Variants in NELL1 observed in about 807,000 individuals in gnomAD.
NELL1 encodes protein kinase C-binding protein NELL1.
Under a neutral mutation model 107.4 loss-of-function variants are expected in NELL1, and 76 were observed. That is an observed-to-expected ratio of 0.71 (90% CI 0.59 to 0.86). NELL1 has a LOEUF of 0.86. Ranked by LOEUF, NELL1 falls within the 40% of genes least tolerant of loss-of-function variation. NELL1 has a pLI of 0.00. For synonymous variants in NELL1, 353 were observed against 341.2 expected, an observed-to-expected ratio of 1.03 and a Z score of -0.38; for missense variants, 1,024 against 1,005.5, an observed-to-expected ratio of 1.02 and a Z score of -0.25.
At chr11:21,405,639 G>T (rs750399546) in intron 15 of NELL1, among the ~76,000 whole-genome samples, 2 of 151,912 alleles carry the variant, frequency 1.3e-5, no homozygotes, top group African/African-American at 2.4e-5. Flanking sequence ...CTAAGCAGAT[G>T]ACTCACCAGT....
intron 19 of NELL1, among the ~76,000 whole-genome samples, chr11:21,574,394 A>G (rs1857173679): frequency 6.6e-6 from 1 of 151,690 alleles, no homozygotes; most frequent in Non-Finnish European, 1.5e-5. Flanking sequence ...ACACAGGGAG[A>G]CCTCTGTTAC....
intron 14 of NELL1, among the ~76,000 whole-genome samples, chr11:21,360,003 CT>C: frequency 6.6e-6 from 1 of 152,032 alleles, no homozygotes; most frequent in Middle Eastern, 3.4e-3. Context: ...CTGCTCTGAT[CT>C]TTGTTATTTC....
intron 12 of NELL1, among the ~76,000 whole-genome samples, chr11:21,076,557 C>A (rs1039637297): frequency 6.6e-6 from 1 of 152,156 alleles, no homozygotes; most frequent in Non-Finnish European, 1.5e-5. Flanking sequence ...TAAGAGAATA[C>A]GTTATCTCTA....
intron 12 of NELL1, among the ~76,000 whole-genome samples, chr11:21,065,940 G>A (rs1404265289): frequency 1.3e-5 from 2 of 152,054 alleles, no homozygotes; most frequent in African/African-American, 4.8e-5. Context: ...TCCTTTGTAG[G>A]GGAACTCACC....
intron 13 of NELL1, among the ~76,000 whole-genome samples, chr11:21,160,701 T>C (rs1356540581): frequency 6.6e-6 from 1 of 152,116 alleles, no homozygotes; most frequent in Non-Finnish European, 1.5e-5. Context: ...TTTTGAGCAA[T>C]GGATATTCTA....
intron 15 of NELL1, among the ~76,000 whole-genome samples, chr11:21,500,174 C>CT (rs1855098773): frequency 6.6e-6 from 1 of 151,974 alleles, no homozygotes; most frequent in African/African-American, 2.4e-5. Flanking sequence ...TCTTGTCTTC[C>CT]TTTTGTAGCC....
intron 15 of NELL1, among the ~76,000 whole-genome samples, chr11:21,516,554 ATTGCTCC>A (rs1855566598): frequency 6.6e-6 from 1 of 152,306 alleles, no homozygotes; most frequent in East Asian, 1.9e-4. Context: ...GGTACAGCCT[ATTGCTCC>A]TAAGCTACAC....
At chr11:20,870,785 G>T (rs2134086898) in intron 4 of NELL1, among the ~76,000 whole-genome samples, 1 of 152,288 alleles carries the variant, frequency 6.6e-6, no homozygotes, top group East Asian at 1.9e-4. Context: ...TATCTAAATT[G>T]CTTTGCTCTT....
intron 12 of NELL1, among the ~76,000 whole-genome samples, chr11:21,032,020 G>T (rs1310369580): frequency 6.6e-6 from 1 of 150,532 alleles, no homozygotes; most frequent in East Asian, 1.9e-4. Flanking sequence ...ACGCCAGCCT[G>T]GGCGACAGAG....
chr11:21,261,601 C>T (rs1022033196), intron 14 of NELL1, among the ~76,000 whole-genome samples: 4 of 151,808 alleles, frequency 2.6e-5, no homozygotes, highest in Admixed American at 6.6e-5. Context: ...AGGCAGAGAG[C>T]GATTAAAGAA....
At position 21,318,076 on chromosome 11, in the gene NELL1, T is replaced by C. The variant is rs538169088; in HGVS notation, c.1550-52777T>C. ...ATCCTGGAAGATTTATGGTGGTATA[T>C]GTCAATTGTGAACAATTTAAGACTT... On this transcript the variant is annotated intron_variant, in intron 14 of 19. Coordinates refer to ENST00000357134, the MANE Select transcript of NELL1 (RefSeq NM_006157.5). Among the ~76,000 whole-genome samples the C allele has an allele frequency of 2.1e-3, 324 of 152,288 alleles. 1 individual carries two copies. Among genetic ancestry groups the C allele is most frequent in the Non-Finnish European group, 3.8e-3 (257 of 68,010 alleles).
chr11:21,489,632 A>G (rs1854747100), intron 15 of NELL1, among the ~76,000 whole-genome samples: 1 of 152,080 alleles, frequency 6.6e-6, no homozygotes, highest in African/African-American at 2.4e-5. Flanking sequence ...GACTGCAAGG[A>G]TGATTCAACA....
At chr11:21,320,348 C>G (rs1849982085) in intron 14 of NELL1, among the ~76,000 whole-genome samples, 1 of 152,106 alleles carries the variant, frequency 6.6e-6, no homozygotes, top group Non-Finnish European at 1.5e-5. Flanking sequence ...GAGATGGAAG[C>G]CTTTAATCTT....
chr11:20,790,335 G>A (rs771477187), intron 3 of NELL1, among the ~76,000 whole-genome samples: 1 of 152,212 alleles, frequency 6.6e-6, no homozygotes, highest in Non-Finnish European at 1.5e-5. Context: ...GTGGCAGAGG[G>A]CTGGTGTGTC....
chr11:20,731,442 T>C (rs1378671533), intron 2 of NELL1, among the ~76,000 whole-genome samples: 1 of 152,112 alleles, frequency 6.6e-6, no homozygotes, highest in Non-Finnish European at 1.5e-5. Flanking sequence ...TTAGGTAGCT[T>C]AGGTTAGAGG....
At chr11:21,457,602 C>A (rs1412305409) in intron 15 of NELL1, among the ~76,000 whole-genome samples, 2 of 152,018 alleles carry the variant, frequency 1.3e-5, no homozygotes, top group Non-Finnish European at 2.9e-5. Flanking sequence ...AATTTTTAGG[C>A]CTTTAATTCC....
chr11:20,906,814 A>C (rs4923155), intron 5 of NELL1, among the ~76,000 whole-genome samples: 102,526 of 151,952 alleles, frequency 0.67, 36,408 homozygotes, highest in Non-Finnish European at 0.81. Flanking sequence ...TAAAAACACT[A>C]AGAAAATGAG....
rs796890290 is a variant in NELL1 at position 20,895,236 on chromosome 11, C to T, written c.603+9696C>T. ...GCAGTGAGCCGAGATCCCGCCACTG[C>T]ACTCCAGCCTGGGCGACAGAGCGAG... On this transcript the variant is annotated intron_variant, in intron 5 of 19. Transcript: ENST00000357134. Among the ~76,000 whole-genome samples the T allele has an allele frequency of 1.4e-4, 15 of 110,182 alleles. 1 individual carries two copies. Among genetic ancestry groups the T allele is most frequent in the African/African-American group, 5.6e-4 (15 of 26,998 alleles). The allele number at this position is 110,182 out of a possible 152,430, so 72.3% of individuals were successfully genotyped here.
chr11:20,861,032 T>A (rs1026870971), intron 4 of NELL1, among the ~76,000 whole-genome samples: 4 of 152,176 alleles, frequency 2.6e-5, no homozygotes, highest in Non-Finnish European at 4.4e-5. Flanking sequence ...TAGACTAACC[T>A]CTTTGGGCAG....
Sources: gnomAD v4.1 joint callset for allele counts (sites outside exome capture counted in the v4.1 genomes callset) on GRCh38, gnomAD v4.1.1 for gene constraint, MANE v1.5 for transcripts, NCBI Gene and HGNC (gene_info 2026-07-23, HGNC 2026-07-21) for gene names.